PEAK1: variants seen among roughly 807,000 people sequenced by gnomAD.
PEAK1 encodes pseudopodium enriched atypical kinase 1, also known as inactive tyrosine-protein kinase PEAK1.
Under a neutral mutation model 124.7 loss-of-function variants are expected in PEAK1, and 54 were observed. The observed-to-expected ratio is 0.43, with a 90% CI of 0.35 to 0.54. The LOEUF (loss-of-function observed/expected upper bound fraction) is 0.54, where lower values mean the gene tolerates loss of function less well. Ranked by LOEUF, PEAK1 falls within the 20% of genes least tolerant of loss-of-function variation. The pLI is 0.01. For missense variants in PEAK1, 2,046 were observed against 2,134.5 expected, an observed-to-expected ratio of 0.96 and a Z score of 0.82; for synonymous variants, 719 against 760.0, an observed-to-expected ratio of 0.95 and a Z score of 0.89.
chr15:77,325,239 G>A (rs569792846), intron 2 of PEAK1, among the ~76,000 whole-genome samples: 5 of 152,072 alleles, frequency 3.3e-5, no homozygotes, highest in African/African-American at 1.2e-4. Flanking sequence ...AACATAGGGA[G>A]CCCTGTCTCT....
intron 2 of PEAK1, chr15:77,335,246 TTC>T (rs2066128624): frequency 1.0e-6 from 1 of 985,254 alleles, no homozygotes; most frequent in Non-Finnish European, 1.2e-6. Flanking sequence ...CCTCAATTAC[TTC>T]TTTCATTCCA....
At chr15:77,291,959 G>A (rs370438841) in intron 2 of PEAK1, among the ~76,000 whole-genome samples, 4 of 140,908 alleles carry the variant, frequency 2.8e-5, no homozygotes, top group Non-Finnish European at 3.0e-5. Flanking sequence ...CCTGGGCGAC[G>A]GAGCAAGACT....
chr15:77,336,967 A>G (rs766751587), intron 2 of PEAK1: 7 of 290,406 alleles, frequency 2.4e-5, no homozygotes, highest in Non-Finnish European at 3.6e-5. Context: ...ATATATATGT[A>G]CTAAACACTA....
chr15:77,295,202 C>A (rs2063422203), intron 2 of PEAK1, among the ~76,000 whole-genome samples: 1 of 152,078 alleles, frequency 6.6e-6, no homozygotes, highest in East Asian at 1.9e-4. Context: ...GTAGTCAGAA[C>A]TAGTTCTATA....
chr15:77,233,614 C>A (rs2059995850), intron 6 of PEAK1, among the ~76,000 whole-genome samples: 1 of 152,194 alleles, frequency 6.6e-6, no homozygotes, highest in Non-Finnish European at 1.5e-5. Flanking sequence ...TTTATCCAAT[C>A]CTGTGTATAT....
chr15:77,135,489 C>T (rs1274917579), intron 8 of PEAK1, among the ~76,000 whole-genome samples: 3 of 152,180 alleles, frequency 2.0e-5, no homozygotes, highest in Admixed American at 6.5e-5. Context: ...GTATAGCCCA[C>T]TGCTTATAGG....
chr15:77,122,749 C>G (rs934318062), intron 9 of PEAK1, among the ~76,000 whole-genome samples: 2 of 152,162 alleles, frequency 1.3e-5, no homozygotes, highest in Admixed American at 6.6e-5. Context: ...GGCTGCTGAT[C>G]AATCACTTTC....
At chr15:77,334,373 T>C in intron 2 of PEAK1, 1 of 985,360 alleles carries the variant, frequency 1.0e-6, no homozygotes. Context: ...GGCCTTTTAT[T>C]ATTCCAGGAA....
intron 2 of PEAK1, among the ~76,000 whole-genome samples, chr15:77,360,225 T>A (rs2067796196): frequency 6.6e-6 from 1 of 152,114 alleles, no homozygotes; most frequent in East Asian, 1.9e-4. Flanking sequence ...TTACACCATT[T>A]ATAAAAATTA....
At chr15:77,382,333 T>C (rs192605919) in intron 1 of PEAK1, among the ~76,000 whole-genome samples, 2 of 152,364 alleles carry the variant, frequency 1.3e-5, no homozygotes, top group Non-Finnish European at 1.5e-5. Context: ...CATTTCCTCA[T>C]TCACCAATCA....
intron 2 of PEAK1, among the ~76,000 whole-genome samples, chr15:77,297,011 A>G (rs2063520052): frequency 6.6e-6 from 1 of 151,874 alleles, no homozygotes; most frequent in Non-Finnish European, 1.5e-5. Context: ...CCAAAATTGG[A>G]CTTAATCAGA....
chr15:77,325,581 T>C (rs1290757444), intron 2 of PEAK1, among the ~76,000 whole-genome samples: 2 of 152,126 alleles, frequency 1.3e-5, no homozygotes, highest in Admixed American at 6.6e-5. Context: ...AAACAGTTCA[T>C]CTCCTTGTAA....
intron 6 of PEAK1, among the ~76,000 whole-genome samples, chr15:77,250,216 T>TGTATAC (rs1230152905): frequency 1.4e-5 from 2 of 140,928 alleles, no homozygotes; most frequent in African/African-American, 5.2e-5. Context: ...TATATGTATA[T>TGTATAC]ATATACACAT....
chr15:77,290,550 GCTT>G lies in PEAK1; in HGVS notation c.-602-4049_-602-4047del, dbSNP rs756110237. 2.9e-4 allele frequency among the ~76,000 whole-genome samples: 44 copies of G among 152,028 alleles called. 1 individual carries two copies. The South Asian group carries it at 5.6e-3, about 19-fold the overall frequency. On this transcript the variant is annotated intron_variant, in intron 2 of 9. Coordinates refer to ENST00000682557, the MANE Select transcript of PEAK1 (RefSeq NM_001385026.1). ...TTACAGGCATAAGCCACCTTGCCCA[GCTT>G]CTTCTTCTTTTTTTTTTTTGCTCAG...
At chr15:77,380,343 T>C (rs1487037643) in intron 1 of PEAK1, among the ~76,000 whole-genome samples, 2 of 152,152 alleles carry the variant, frequency 1.3e-5, no homozygotes, top group African/African-American at 4.8e-5. Context: ...ACAGCAACTC[T>C]CTGAGTACTC....
chr15:77,346,578 C>G (rs2066886129), intron 2 of PEAK1: 2 of 985,248 alleles, frequency 2.0e-6, no homozygotes, highest in Non-Finnish European at 2.4e-6. Flanking sequence ...AGTCACATCT[C>G]AAGAGGTTTT....
chr15:77,170,674 C>T (rs531416666), intron 7 of PEAK1, among the ~76,000 whole-genome samples: 121 of 152,190 alleles, frequency 8.0e-4, no homozygotes, highest in African/African-American at 2.8e-3. Flanking sequence ...ATTATGCTGA[C>T]GTTTTACAGA....
intron 7 of PEAK1, among the ~76,000 whole-genome samples, chr15:77,165,525 CTTT>C (rs2056029150): frequency 6.6e-6 from 1 of 152,032 alleles, no homozygotes; most frequent in Non-Finnish European, 1.5e-5. Context: ...GGGCCCCGGA[CTTT>C]TTTTCCCTAA....
intron 2 of PEAK1, among the ~76,000 whole-genome samples, chr15:77,305,666 A>G (rs1035808347): frequency 6.6e-6 from 1 of 152,190 alleles, no homozygotes; most frequent in Non-Finnish European, 1.5e-5. Flanking sequence ...TCTCCGTGCT[A>G]TAGTTATCTC....
Sources: gnomAD v4.1 joint callset for allele counts (sites outside exome capture counted in the v4.1 genomes callset) on GRCh38, gnomAD v4.1.1 for gene constraint, MANE v1.5 for transcripts, NCBI Gene and HGNC (gene_info 2026-07-23, HGNC 2026-07-21) for gene names.